KREMEN1: variants seen among roughly 807,000 people sequenced by gnomAD.
KREMEN1 encodes kringle containing transmembrane protein 1, also known as kremen protein 1.
A neutral mutation model predicts 46.5 loss-of-function variants in KREMEN1; 30 were observed. The ratio of observed to expected loss-of-function variants is 0.65; its 90% CI spans 0.48 to 0.88. The LOEUF is 0.88. Among genes scored for constraint, KREMEN1 ranks in the 40% least tolerant of loss-of-function variants. KREMEN1 has a pLI of 0.00. For synonymous variants in KREMEN1, 214 were observed against 230.6 expected (o/e 0.93, Z 0.65); for missense variants, 533 against 596.9 (o/e 0.89, Z 1.11).
intron 1 of KREMEN1, among the ~76,000 whole-genome samples, chr22:29,075,363 G>C (rs552826754): frequency 6.6e-6 from 1 of 152,160 alleles, no homozygotes; most frequent in Admixed American, 6.5e-5. Flanking sequence ...CCTTAAGCTC[G>C]TTGGAAGCTA....
chr22:29,119,809 C>A (rs933630924), intron 3 of KREMEN1, among the ~76,000 whole-genome samples: 1 of 152,208 alleles, frequency 6.6e-6, no homozygotes, highest in Non-Finnish European at 1.5e-5. Flanking sequence ...AAGAATGGCC[C>A]TCCAAAGATG....
At chr22:29,149,223 C>T (rs2038896890), downstream of KREMEN1, among the ~76,000 whole-genome samples, 1 of 151,108 alleles carries the variant, frequency 6.6e-6, no homozygotes, top group African/African-American at 2.5e-5. Flanking sequence ...AGTGCAGTGG[C>T]GCTATTTCAG....
intron 1 of KREMEN1, among the ~76,000 whole-genome samples, chr22:29,075,017 T>G (rs1287695284): frequency 6.6e-6 from 1 of 152,188 alleles, no homozygotes; most frequent in African/African-American, 2.4e-5. Flanking sequence ...TCTGATTCAT[T>G]TCTGTAAAAG....
At position 29,145,804 on chromosome 22, in the gene KREMEN1, T is replaced by C. The variant is rs1028846958; in HGVS notation, c.*3692T>C. On this transcript the variant is annotated 3_prime_UTR_variant, in exon 9 of 9. Transcript: ENST00000400335. The stretch of plus-strand genomic sequence containing the variant: ...TGAAGAGTGGGCTCTGGCTCAAGAC[T>C]CCAATCGGCCAGAAGCCCACAGAGA... The C allele has an allele frequency of 3.0e-6, 3 of 985,300 alleles. No individual in the cohort carries two copies. In the African/African-American group the frequency reaches 5.2e-5, roughly 17 times the overall value. The allele number at this position is 985,300 out of a possible 1,614,324, so 61.0% of individuals were successfully genotyped here.
chr22:29,145,479 T>C lies in KREMEN1; in HGVS notation c.*3367T>C. 1.0e-6 allele frequency: 1 copy of C among 985,544 alleles called. No homozygotes were observed. Among genetic ancestry groups the C allele is most frequent in the Non-Finnish European group, 1.2e-6 (1 of 830,062 alleles). The allele number at this position is 985,544 out of a possible 1,614,324, so 61.0% of individuals were successfully genotyped here. ...TCCCCGCTGGCGCCAGGCCCTGCCT[T>C]CTTGGTACCTGTGCCAACAGGAGAG... is the stretch of plus-strand genomic sequence containing the variant. On this transcript the variant is annotated 3_prime_UTR_variant, in exon 9 of 9. Coordinates refer to ENST00000400335, the MANE Select transcript of KREMEN1 (RefSeq NM_001039570.3).
At chr22:29,108,935 G>A (rs1157569522) in intron 3 of KREMEN1, among the ~76,000 whole-genome samples, 1 of 152,124 alleles carries the variant, frequency 6.6e-6, no homozygotes, top group South Asian at 2.1e-4. Flanking sequence ...GACAACAGGC[G>A]CACACTACTA....
chr22:29,146,154 G>A lies in KREMEN1; in HGVS notation c.*4042G>A. The A allele has an allele frequency of 1.0e-6, 1 of 985,598 alleles. No individual in the cohort carries two copies. The highest frequency in any genetic ancestry group is 1.8e-5 in the African/African-American group (1 of 57,068). The allele number at this position is 985,598 out of a possible 1,614,324, so 61.1% of individuals were successfully genotyped here. A position where few individuals can be genotyped will look rare whatever the true frequency, so the allele number is the denominator to read the frequency against. On this transcript the variant is annotated 3_prime_UTR_variant, in exon 9 of 9. Coordinates refer to ENST00000400335, the MANE Select transcript of KREMEN1 (RefSeq NM_001039570.3). ...CGTTAGGTTTCAGATCTCCCGTGTG[G>A]TGTTTGATGTCGGCTTTTGTTCCTA...
At chr22:29,085,805 T>G (rs1053877696) in intron 1 of KREMEN1, among the ~76,000 whole-genome samples, 1 of 151,948 alleles carries the variant, frequency 6.6e-6, no homozygotes, top group African/African-American at 2.4e-5. Context: ...ACCCCATATC[T>G]ACAAAAAATT....
At position 29,146,629 on chromosome 22, in the gene KREMEN1, C is replaced by T. The variant is rs1299721247; in HGVS notation, c.*4517C>T. 1 of 976,986 alleles carries T rather than the reference C, an allele frequency of 1.0e-6. No homozygotes were observed. The highest frequency in any genetic ancestry group is 1.8e-5 in the African/African-American group (1 of 56,974). The allele number at this position is 976,986 out of a possible 1,614,324, so 60.5% of individuals were successfully genotyped here. ...TTGTAAATATGCTCTTAATATGCAA[C>T]TTTGAGAATAAAATAGAAACATCAT... On this transcript the variant is annotated 3_prime_UTR_variant, in exon 9 of 9. Transcript: ENST00000400335.
chr22:29,163,898 G>A (rs2039032396), intron 9 of KREMEN1, among the ~76,000 whole-genome samples: 1 of 151,784 alleles, frequency 6.6e-6, no homozygotes, highest in Non-Finnish European at 1.5e-5. Context: ...ACAAACCTGC[G>A]TATGTACGCC....
At position 29,134,946 on chromosome 22, in the gene KREMEN1, G is replaced by C. The variant is rs116209769; in HGVS notation, c.632-2396G>C. Among the ~76,000 whole-genome samples, 1,365 of 152,256 alleles carry C rather than the reference G, an allele frequency of 9.0e-3. 14 individuals carry two copies. Among genetic ancestry groups the C allele is most frequent in the African/African-American group, 0.031 (1,302 of 41,534 alleles). ...GGCTATGGCTGTTTGTTACCTGGCT[G>C]TACTCATGGTGAGGTCATGGAGGTG... On this transcript the variant is annotated intron_variant, in intron 5 of 8. Transcript: ENST00000400335.
intron 3 of KREMEN1, among the ~76,000 whole-genome samples, chr22:29,114,582 C>G (rs149214038): frequency 1.2e-3 from 184 of 151,610 alleles, no homozygotes; most frequent in African/African-American, 4.3e-3. Flanking sequence ...GTCTGAAAGC[C>G]AGGAAGAGGG....
At chr22:29,095,250 T>G (rs2037867094) in intron 2 of KREMEN1, among the ~76,000 whole-genome samples, 1 of 152,202 alleles carries the variant, frequency 6.6e-6, no homozygotes, top group African/African-American at 2.4e-5. Context: ...ACTAAGGTGT[T>G]TCTTTGCTTT....
At chr22:29,085,748 GT>G (rs1427351994) in intron 1 of KREMEN1, among the ~76,000 whole-genome samples, 5 of 152,188 alleles carry the variant, frequency 3.3e-5, no homozygotes, top group Admixed American at 2.6e-4. Flanking sequence ...GCAGAGGCAG[GT>G]GGATAGCTTG....
Position 29,143,998 on chromosome 22 carries a change from T to G in KREMEN1, c.*1886T>G. On this transcript the variant is annotated 3_prime_UTR_variant, in exon 9 of 9. Coordinates refer to ENST00000400335, the MANE Select transcript of KREMEN1 (RefSeq NM_001039570.3). ...AGTGGCTGCTGGTTGGGAGAGTAAG[T>G]GCCATCACTAATTTAAAAGTCCTTG... The G allele has an allele frequency of 2.0e-6, 2 of 985,492 alleles. No homozygotes were observed. Among genetic ancestry groups the G allele is most frequent in the Non-Finnish European group, 2.4e-6 (2 of 829,982 alleles). The allele number at this position is 985,492 out of a possible 1,614,324, so 61.0% of individuals were successfully genotyped here.
At chr22:29,121,624 C>G in intron 4 of KREMEN1, 143 bp downstream of exon 4, 5 of 963,560 alleles carry the variant, frequency 5.2e-6, no homozygotes, top group Non-Finnish European at 7.6e-6. Flanking sequence ...CATGAATTGT[C>G]TAGAATAGGC....
At chr22:29,082,970 C>T (rs570210084) in intron 1 of KREMEN1, among the ~76,000 whole-genome samples, 1 of 152,322 alleles carries the variant, frequency 6.6e-6, no homozygotes, top group African/African-American at 2.4e-5. Flanking sequence ...CAAGGTCTCA[C>T]TCTGTCACCC....
At chr22:29,109,909 A>G (rs1217855579) in intron 3 of KREMEN1, among the ~76,000 whole-genome samples, 45 of 152,194 alleles carry the variant, frequency 3.0e-4, no homozygotes, top group Non-Finnish European at 1.5e-5. Flanking sequence ...AACAGCAGGA[A>G]GAGGTTCCTT....
intron 9 of KREMEN1, among the ~76,000 whole-genome samples, chr22:29,160,189 C>A (rs1024907319): frequency 6.6e-6 from 1 of 152,024 alleles, no homozygotes; most frequent in Non-Finnish European, 1.5e-5. Flanking sequence ...AAATCAAAAT[C>A]ATACCAGCCA....
Sources: allele counts gnomAD v4.1 joint callset (sites outside exome capture counted in the v4.1 genomes callset), GRCh38; gene constraint gnomAD v4.1.1; transcripts MANE v1.5; gene names NCBI Gene and HGNC (gene_info 2026-07-23, HGNC 2026-07-21).